Variants in VAMP4 observed in about 807,000 individuals in gnomAD.
VAMP4 encodes vesicle associated membrane protein 4.
VAMP4 carries 19 observed loss-of-function variants against 23.5 expected under a neutral mutation model. That is an observed-to-expected ratio of 0.81 (90% CI 0.56 to 1.19). VAMP4 has a LOEUF of 1.19. VAMP4 is among the 50% of genes most tolerant of loss of function. VAMP4 has a pLI of 0.00. For synonymous variants in VAMP4, 31 were observed against 51.0 expected, an observed-to-expected ratio of 0.61 and a Z score of 1.67; for missense variants, 145 against 168.6, an observed-to-expected ratio of 0.86 and a Z score of 0.78.
intron 3 of VAMP4, among the ~76,000 whole-genome samples, chr1:171,724,754 T>C (rs1412874035): frequency 6.6e-6 from 1 of 152,106 alleles, no homozygotes; most frequent in Non-Finnish European, 1.5e-5. Context: ...GAGCCTCCAA[T>C]AGCCAAAAGA....
Position 171,700,283 on chromosome 1 carries a change from G to A in VAMP4, c.*4223C>T, listed in dbSNP as rs192446691. The A allele has an allele frequency of 1.3e-5, 2 of 152,248 alleles. No homozygotes were observed. The highest frequency in any genetic ancestry group is 3.9e-4 in the East Asian group (2 of 5,180). The allele number at this position is 152,248 out of a possible 1,614,324, so 9.4% of individuals were successfully genotyped here. On this transcript the variant is annotated 3_prime_UTR_variant, in exon 8 of 8. Coordinates refer to ENST00000236192, the MANE Select transcript of VAMP4 (RefSeq NM_003762.5). The stretch of plus-strand genomic sequence containing the variant: ...GGTAAAAATGGTTATGAGGAATTGA[G>A]AAGCTAGGGAACAGGGCACATGACA...
chr1:171,710,756 T>C lies in VAMP4; in HGVS notation c.223A>G (p.Ile75Val). ...TCATCTAGTCTCTCCCCTCTCTCAATTACCTTTGTAATATTTTCTTGCATG... is the reference window on the plus strand; with the variant it reads ...TCATCTAGTCTCTCCCCTCTCTCAACTACCTTTGTAATATTTTCTTGCATG... The part of the protein sequence containing the change: ...DVMQENITKV[I>V]ERGERLDELQ... The change falls in exon 5 of 8, where the codon ATT (isoleucine) becomes GTT (valine). Residue 75 changes from isoleucine to valine, a missense_variant. By Grantham distance (29) the Ile-to-Val change is conservative. Coordinates refer to ENST00000236192, the MANE Select transcript of VAMP4 (RefSeq NM_003762.5). 2 of 1,610,304 alleles carry C rather than the reference T, an allele frequency of 1.2e-6. No homozygotes were observed. Among genetic ancestry groups the C allele is most frequent in the East Asian group, 2.2e-5 (1 of 44,644 alleles).
chr1:171,702,285 AC>A lies in VAMP4; in HGVS notation c.*2220del. The A allele has an allele frequency of 6.6e-6, 1 of 152,150 alleles. No homozygotes were observed. Among genetic ancestry groups the A allele is most frequent in the Middle Eastern group, 3.4e-3 (1 of 294 alleles). 9.4% of individuals were successfully genotyped at this position (152,150 alleles called of 1,614,324 possible). A position where few individuals can be genotyped will look rare whatever the true frequency, so the allele number is the denominator to read the frequency against. On this transcript the variant is annotated 3_prime_UTR_variant, in exon 8 of 8. Transcript: ENST00000236192. Reference sequence around the variant, plus strand: ...AGAAAGATGAAATGATGAATTACAAACCAAGCCATCACTACTACAAAGTTCC... The same window carrying A: ...AGAAAGATGAAATGATGAATTACAAACAAGCCATCACTACTACAAAGTTCC...
In VAMP4 at chr1:171,706,409, T is replaced by C. The variant is rs1654654316; in HGVS notation, c.355A>G (p.Ile119Val). 3.1e-6 allele frequency: 5 copies of C among 1,608,968 alleles called. No homozygotes were observed. The South Asian group carries it at 3.3e-5, about 11-fold the overall frequency. The change falls in exon 7 of 8, where the codon ATC becomes GTC. Residue 119 changes from isoleucine to valine, a missense_variant. Coordinates refer to ENST00000236192, the MANE Select transcript of VAMP4 (RefSeq NM_003762.5). Reference sequence around the variant, plus strand: ...AGGATAGCAGCAACCAAAGCCATGATGGCTTTTATCTACAACACACAAAAG... The same window carrying C: ...AGGATAGCAGCAACCAAAGCCATGACGGCTTTTATCTACAACACACAAAAG... ...MWWRGCKIKA[I>V]MALVAAILLL...
At chr1:171,717,925 C>T (rs1334734386) in intron 4 of VAMP4, among the ~76,000 whole-genome samples, 1 of 152,100 alleles carries the variant, frequency 6.6e-6, no homozygotes, top group Non-Finnish European at 1.5e-5. Context: ...AAAGAAGCAC[C>T]ATGACATCTA....
chr1:171,719,141 T>G, intron 4 of VAMP4, 30 bp downstream of exon 4: 1 of 1,599,894 alleles, frequency 6.3e-7, no homozygotes, highest in African/African-American at 1.3e-5. Flanking sequence ...AGAAATATGA[T>G]TATCATTTAA....
intron 4 of VAMP4, among the ~76,000 whole-genome samples, chr1:171,717,407 T>G (rs536227084): frequency 8.5e-5 from 13 of 152,098 alleles, no homozygotes; most frequent in Non-Finnish European, 1.5e-4. Context: ...CCCTGGAACA[T>G]GAGAGAATGA....
At chr1:171,741,693 C>T (rs1333281648) in intron 1 of VAMP4, among the ~76,000 whole-genome samples, 1 of 152,138 alleles carries the variant, frequency 6.6e-6, no homozygotes, top group Non-Finnish European at 1.5e-5. Flanking sequence ...TCTTCTCTCC[C>T]TCAACTGCTC....
intron 2 of VAMP4, among the ~76,000 whole-genome samples, chr1:171,737,835 GAAT>G (rs1232558084): frequency 2.0e-5 from 3 of 152,132 alleles, no homozygotes; most frequent in Non-Finnish European, 4.4e-5. Context: ...GAAGCTATGA[GAAT>G]AATGATTTGA....
chr1:171,709,749 A>T lies in VAMP4; in HGVS notation c.266-5T>A. ...TTGCATTATCCGATAAGCTTTCTATATCACATAGAGGATGGAGAGAAGGAT... is the reference window on the plus strand; with the variant it reads ...TTGCATTATCCGATAAGCTTTCTATTTCACATAGAGGATGGAGAGAAGGAT... On this transcript the variant is annotated splice_region_variant and splice_polypyrimidine_tract_variant and intron_variant, in intron 5 of 7. Coordinates refer to ENST00000236192, the MANE Select transcript of VAMP4 (RefSeq NM_003762.5). 6.2e-7 allele frequency: 1 copy of T among 1,608,104 alleles called. No individual in the cohort carries two copies. Among genetic ancestry groups the T allele is most frequent in the Non-Finnish European group, 8.5e-7 (1 of 1,174,938 alleles).
chr1:171,728,066 C>T (rs1222970316), intron 3 of VAMP4, among the ~76,000 whole-genome samples: 1 of 152,110 alleles, frequency 6.6e-6, no homozygotes. Flanking sequence ...TTTCAGTTAC[C>T]CATGGTCAAC....
At chr1:171,705,058 C>CACT (rs1325244481) in intron 7 of VAMP4, among the ~76,000 whole-genome samples, 1 of 151,998 alleles carries the variant, frequency 6.6e-6, no homozygotes, top group African/African-American at 2.4e-5. Flanking sequence ...TCTATAAGGT[C>CACT]ACTACAAACA....
chr1:171,704,802 A>G (rs907716572), intron 7 of VAMP4, among the ~76,000 whole-genome samples: 2 of 152,024 alleles, frequency 1.3e-5, no homozygotes, highest in Non-Finnish European at 2.9e-5. Context: ...AAAAATTTTG[A>G]TAACCTGGGA....
At chr1:171,735,968 C>T (rs367839956) in intron 2 of VAMP4, among the ~76,000 whole-genome samples, 1 of 152,136 alleles carries the variant, frequency 6.6e-6, no homozygotes, top group African/African-American at 2.4e-5. Context: ...CTCACTGCAA[C>T]CTCTGCCTCC....
chr1:171,741,240 A>G (rs1407491050), intron 1 of VAMP4, among the ~76,000 whole-genome samples: 1 of 152,180 alleles, frequency 6.6e-6, no homozygotes, highest in Non-Finnish European at 1.5e-5. Flanking sequence ...TATCTAGTCA[A>G]TAGCTTTGAA....
intron 2 of VAMP4, among the ~76,000 whole-genome samples, chr1:171,735,651 G>T (rs1655717168): frequency 6.6e-6 from 1 of 152,126 alleles, no homozygotes; most frequent in African/African-American, 2.4e-5. Flanking sequence ...TAGGAAAGAG[G>T]CTCAGATTCT....
chr1:171,721,045 CA>C (rs755330284), intron 3 of VAMP4, among the ~76,000 whole-genome samples: 7 of 151,374 alleles, frequency 4.6e-5, no homozygotes, highest in Non-Finnish European at 7.4e-5. Flanking sequence ...ATTCACAGAC[CA>C]AAAAAAATGA....
At chr1:171,733,753 T>G (rs1655638728) in intron 2 of VAMP4, among the ~76,000 whole-genome samples, 1 of 152,144 alleles carries the variant, frequency 6.6e-6, no homozygotes, top group South Asian at 2.1e-4. Flanking sequence ...GTACAACCAC[T>G]TTGGAAAACA....
At chr1:171,713,129 T>C (rs1482516056) in intron 4 of VAMP4, among the ~76,000 whole-genome samples, 2 of 152,200 alleles carry the variant, frequency 1.3e-5, no homozygotes, top group Admixed American at 6.5e-5. Context: ...ATTCAATAAA[T>C]ATTTGCTAAA....
Sources: allele counts gnomAD v4.1 joint callset (sites outside exome capture counted in the v4.1 genomes callset), GRCh38; gene constraint gnomAD v4.1.1; transcripts MANE v1.5; gene names NCBI Gene and HGNC (gene_info 2026-07-23, HGNC 2026-07-21).